Variants in CSMD3 observed in about 807,000 individuals in gnomAD.
CSMD3 encodes CUB and Sushi multiple domains 3, also known as CUB and sushi domain-containing protein 3.
In CSMD3, 177 loss-of-function variants were observed where a neutral mutation model predicts 435.2. The ratio of observed to expected loss-of-function variants is 0.41; its 90% CI spans 0.36 to 0.46. The LOEUF (loss-of-function observed/expected upper bound fraction) is 0.46. Ranked by LOEUF, CSMD3 falls within the 20% of genes least tolerant of loss-of-function variation. The pLI, the probability that CSMD3 is intolerant of heterozygous loss-of-function variation, is 0.34. For missense variants in CSMD3, 4,265 were observed against 4,504.6 expected (o/e 0.95, Z 1.52); for synonymous variants, 1,656 against 1,520.5 (o/e 1.09, Z -2.07).
intron 13 of CSMD3, among the ~76,000 whole-genome samples, chr8:112,720,959 T>C (rs1194464769): frequency 6.6e-6 from 1 of 152,206 alleles, no homozygotes; most frequent in East Asian, 1.9e-4. Flanking sequence ...TCACTGTATA[T>C]ATTGTTTCAC....
At chr8:112,382,975 A>C (rs1473305784) in intron 37 of CSMD3, among the ~76,000 whole-genome samples, 1 of 152,222 alleles carries the variant, frequency 6.6e-6, no homozygotes, top group Admixed American at 6.5e-5. Context: ...TGGGAGACAG[A>C]GCGAGACTAC....
chr8:112,472,591 C>A lies in CSMD3; in HGVS notation c.5395G>T (p.Val1799Leu), dbSNP rs1327550085. 1 of 1,493,572 alleles carries A rather than the reference C, an allele frequency of 6.7e-7. No individual in the cohort carries two copies. Among genetic ancestry groups the A allele is most frequent in the South Asian group, 1.1e-5 (1 of 88,720 alleles). 92.5% of individuals were successfully genotyped at this position (1,493,572 alleles called of 1,614,324 possible). A position where few individuals can be genotyped will look rare whatever the true frequency, so the allele number is the denominator to read the frequency against. ...ACATAATGAGTCGAATCTTACTTACCAAACTCCTTTGGAACTGCTATAGAA... is the reference window on the plus strand; with the variant it reads ...ACATAATGAGTCGAATCTTACTTACAAAACTCCTTTGGAACTGCTATAGAA... ...VYSIAVPKEF[V>L]VFGQFVFFQT... The change falls in exon 32 of 71, where the codon GTG (valine) becomes TTG (leucine). Residue 1799 changes from valine (V) to leucine (L), a missense_variant and splice_region_variant. Physicochemically the swap from Val to Leu is conservative, Grantham distance 32. Coordinates refer to ENST00000297405, the MANE Select transcript of CSMD3 (RefSeq NM_198123.2).
At chr8:112,372,102 A>G (rs1828454288) in intron 38 of CSMD3, among the ~76,000 whole-genome samples, 1 of 152,134 alleles carries the variant, frequency 6.6e-6, no homozygotes, top group Admixed American at 6.6e-5. Context: ...AAAATAATCC[A>G]TACACACACA....
chr8:113,291,182 T>C (rs898035336), intron 2 of CSMD3, among the ~76,000 whole-genome samples: 2 of 151,662 alleles, frequency 1.3e-5, no homozygotes, highest in Admixed American at 6.6e-5. Flanking sequence ...TTGAAAACCA[T>C]GGAAATATGA....
intron 1 of CSMD3, among the ~76,000 whole-genome samples, chr8:113,359,143 T>TC (rs2094254305): frequency 6.6e-6 from 1 of 152,178 alleles, no homozygotes; most frequent in African/African-American, 2.4e-5. Flanking sequence ...GCCTCTAAGT[T>TC]TGTACGTTTG....
chr8:112,647,660 T>C (rs1415962206), intron 19 of CSMD3, among the ~76,000 whole-genome samples: 2 of 152,184 alleles, frequency 1.3e-5, no homozygotes, highest in Non-Finnish European at 2.9e-5. Context: ...TCCTTGTCTA[T>C]GTTCTTTAAT....
chr8:113,122,436 A>G (rs745307096), intron 4 of CSMD3, among the ~76,000 whole-genome samples: 6 of 152,106 alleles, frequency 3.9e-5, no homozygotes, highest in African/African-American at 7.2e-5. Flanking sequence ...ATGACAGATG[A>G]TAATTATTAA....
chr8:112,326,172 G>C (rs1358675686), intron 45 of CSMD3, among the ~76,000 whole-genome samples: 1 of 152,164 alleles, frequency 6.6e-6, no homozygotes, highest in Non-Finnish European at 1.5e-5. Flanking sequence ...AAAGAAAAGG[G>C]TGTAATGATT....
At position 113,340,868 on chromosome 8, in the gene CSMD3, CAA is replaced by C. The variant is rs5894141; in HGVS notation, c.179-26077_179-26076del. 9.0e-3 allele frequency among the ~76,000 whole-genome samples: 1,285 copies of C among 142,962 alleles called. 14 individuals are homozygous for C. Among genetic ancestry groups the C allele is most frequent in the African/African-American group, 0.022 (845 of 38,960 alleles). The allele number at this position is 142,962 out of a possible 152,430, so 93.8% of individuals were successfully genotyped here. A position where few individuals can be genotyped will look rare whatever the true frequency, so the allele number is the denominator to read the frequency against. On this transcript the variant is annotated intron_variant, in intron 1 of 70. Transcript: ENST00000297405. ...TGGGCGACAAAGCAAGACTTTGTCTCAAAAAAAAAAAAAAGGGAAATATTTGT... is the reference window on the plus strand; with the variant it reads ...TGGGCGACAAAGCAAGACTTTGTCTCAAAAAAAAAAAAGGGAAATATTTGT...
At chr8:112,389,029 A>G (rs1325350769) in intron 36 of CSMD3, among the ~76,000 whole-genome samples, 2 of 152,142 alleles carry the variant, frequency 1.3e-5, no homozygotes, top group East Asian at 3.9e-4. Flanking sequence ...AAAATAGTCT[A>G]TTAGGAGTCA....
chr8:112,780,368 T>G (rs2078353611), intron 13 of CSMD3, among the ~76,000 whole-genome samples: 1 of 152,050 alleles, frequency 6.6e-6, no homozygotes, highest in African/African-American at 2.4e-5. Context: ...TTCAATAAAA[T>G]TATCTAATCA....
chr8:112,649,584 A>G (rs2075070493), intron 19 of CSMD3, among the ~76,000 whole-genome samples: 1 of 152,192 alleles, frequency 6.6e-6, no homozygotes, highest in Non-Finnish European at 1.5e-5. Context: ...AGTTTCCTCC[A>G]CTGGATTTCA....
chr8:112,228,759 T>G lies in CSMD3; in HGVS notation c.10961A>C (p.Gln3654Pro), dbSNP rs777512188. 1.1e-5 allele frequency: 18 copies of G among 1,599,202 alleles called. No homozygotes were observed. The highest frequency in any genetic ancestry group is 1.5e-5 in the Non-Finnish European group (17 of 1,167,346). Residue 3654 changes from glutamine to proline, a missense_variant, in exon 70 of 71, where the codon CAA (glutamine) becomes CCA (proline). Gln to Pro is a moderately conservative substitution (Grantham distance 76). Transcript: ENST00000297405. The part of the protein sequence containing the change: ...FAGFGFYLYK[Q>P]RTAPKTQYTG... Reference sequence around the variant, plus strand: ...AGTTAAAAATCAATGAGCTTACCTTTGTTTATAAAGATAAAATCCAAATCC... The same window carrying G: ...AGTTAAAAATCAATGAGCTTACCTTGGTTTATAAAGATAAAATCCAAATCC...
At chr8:113,344,986 T>A (rs1451579171) in intron 1 of CSMD3, among the ~76,000 whole-genome samples, 1 of 152,152 alleles carries the variant, frequency 6.6e-6, no homozygotes, top group Admixed American at 6.6e-5. Flanking sequence ...TCATAAGTCA[T>A]GTGTCTTCTT....
At chr8:112,768,690 G>T (rs924605215) in intron 13 of CSMD3, among the ~76,000 whole-genome samples, 5 of 151,862 alleles carry the variant, frequency 3.3e-5, no homozygotes, top group African/African-American at 1.2e-4. Context: ...ATGAGAACTT[G>T]CTGAATATCT....
At position 113,069,052 on chromosome 8, in the gene CSMD3, A is replaced by G. The variant is rs199767237; in HGVS notation, c.917+29704T>C. Among the ~76,000 whole-genome samples the G allele has an allele frequency of 2.0e-5, 3 of 149,244 alleles. No individual in the cohort carries two copies. The Admixed American group carries it at 2.0e-4, about 10-fold the overall frequency. Reference sequence around the variant, plus strand: ...GTGAACAAAAACAAACCAAAAAAAAAGGAGGATTAGAGACGACAAACGATT... The same window carrying G: ...GTGAACAAAAACAAACCAAAAAAAAGGGAGGATTAGAGACGACAAACGATT... On this transcript the variant is annotated intron_variant, in intron 5 of 70. Transcript: ENST00000297405.
At chr8:112,383,808 A>G (rs1829691740) in intron 36 of CSMD3, 145 bp from the exon 37 acceptor site, 1 of 671,034 alleles carries the variant, frequency 1.5e-6, no homozygotes, top group South Asian at 1.7e-5. Flanking sequence ...AACAGAACTG[A>G]TTTTTTCCAT....
intron 13 of CSMD3, among the ~76,000 whole-genome samples, chr8:112,725,241 G>A (rs1415568518): frequency 6.6e-6 from 1 of 152,036 alleles, no homozygotes; most frequent in East Asian, 1.9e-4. Flanking sequence ...GAAAAAAGAA[G>A]GGAGGCTGGC....
At chr8:112,720,130 T>A (rs2076825304) in intron 13 of CSMD3, among the ~76,000 whole-genome samples, 1 of 152,166 alleles carries the variant, frequency 6.6e-6, no homozygotes, top group Non-Finnish European at 1.5e-5. Context: ...GCTCAACTTC[T>A]TGATTTCCAC....
Sources: allele counts gnomAD v4.1 joint callset (sites outside exome capture counted in the v4.1 genomes callset), GRCh38; gene constraint gnomAD v4.1.1; transcripts MANE v1.5; gene names NCBI Gene and HGNC (gene_info 2026-07-23, HGNC 2026-07-21).